Variants in GABRA4 observed in about 807,000 individuals in gnomAD.
GABRA4 encodes the protein gamma-aminobutyric acid type A receptor subunit alpha4.
In GABRA4, 12 loss-of-function variants were observed where a neutral mutation model predicts 49.7. The ratio of observed to expected loss-of-function variants is 0.24; its 90% CI spans 0.15 to 0.39. GABRA4 has a LOEUF of 0.39. Among genes scored for constraint, GABRA4 ranks in the 10% least tolerant of loss-of-function variants. The pLI, the probability that GABRA4 is intolerant of heterozygous loss-of-function variation, is 1.00. For missense variants in GABRA4, 506 were observed against 686.0 expected (o/e 0.74, Z 2.93); for synonymous variants, 288 against 240.2 (o/e 1.20, Z -1.84).
At chr4:46,929,834 T>C (rs191624586) in intron 8 of GABRA4, among the ~76,000 whole-genome samples, 19 of 151,602 alleles carry the variant, frequency 1.3e-4, no homozygotes, top group African/African-American at 3.6e-4. Flanking sequence ...AGATGGTGAG[T>C]GAAAAAATGG....
chr4:46,952,687 TACTC>T (rs1224396758), intron 8 of GABRA4, among the ~76,000 whole-genome samples: 1 of 152,116 alleles, frequency 6.6e-6, no homozygotes, highest in Non-Finnish European at 1.5e-5. Context: ...TGAATAATCT[TACTC>T]AGTAGCTTAG....
chr4:46,936,019 GA>G (rs1441684524), intron 8 of GABRA4, among the ~76,000 whole-genome samples: 1 of 152,066 alleles, frequency 6.6e-6, no homozygotes, highest in Non-Finnish European at 1.5e-5. Context: ...AGCTCTTCAG[GA>G]AAAAGTAGCA....
intron 2 of GABRA4, among the ~76,000 whole-genome samples, chr4:46,991,894 A>G (rs1723759263): frequency 6.6e-6 from 1 of 152,212 alleles, no homozygotes; most frequent in African/African-American, 2.4e-5. Context: ...AGCTCCTTTA[A>G]GGCAGAATCT....
chr4:46,956,927 T>A (rs1275064566), intron 8 of GABRA4, among the ~76,000 whole-genome samples: 1 of 152,068 alleles, frequency 6.6e-6, no homozygotes, highest in Non-Finnish European at 1.5e-5. Context: ...TTCATTTTAT[T>A]AATGAGCTTG....
chr4:46,919,933 A>G lies in GABRA4; in HGVS notation c.*8292T>C, dbSNP rs1334883096. The G allele has an allele frequency of 6.6e-6, 1 of 151,694 alleles. No homozygotes were observed. Among genetic ancestry groups the G allele is most frequent in the Admixed American group, 6.6e-5 (1 of 15,208 alleles). 9.4% of individuals were successfully genotyped at this position (151,694 alleles called of 1,614,324 possible). A position where few individuals can be genotyped will look rare whatever the true frequency, so the allele number is the denominator to read the frequency against. Reference sequence around the variant, plus strand: ...TACAATGAAGCTCCCTCAAAATCATATAACCTTACCTTATCAACCAACAAT... The same window carrying G: ...TACAATGAAGCTCCCTCAAAATCATGTAACCTTACCTTATCAACCAACAAT... On this transcript the variant is annotated 3_prime_UTR_variant, in exon 9 of 9. Transcript: ENST00000264318.
At chr4:46,956,454 C>A (rs1484775217) in intron 8 of GABRA4, among the ~76,000 whole-genome samples, 48 of 151,986 alleles carry the variant, frequency 3.2e-4, no homozygotes, top group Non-Finnish European at 1.8e-4. Flanking sequence ...AGTTTATATA[C>A]CCTTTAGGAA....
intron 8 of GABRA4, among the ~76,000 whole-genome samples, chr4:46,934,961 G>A (rs1721558669): frequency 6.6e-6 from 1 of 152,166 alleles, no homozygotes; most frequent in African/African-American, 2.4e-5. Context: ...AGAGAAAAGA[G>A]TGCAAAGGAC....
At chr4:46,988,412 A>G (rs1723617596) in intron 2 of GABRA4, among the ~76,000 whole-genome samples, 1 of 152,242 alleles carries the variant, frequency 6.6e-6, no homozygotes, top group South Asian at 2.1e-4. Flanking sequence ...GAATGAAAGA[A>G]TGGGACAAAT....
At chr4:46,987,765 TC>T (rs1723592561) in intron 2 of GABRA4, among the ~76,000 whole-genome samples, 1 of 152,122 alleles carries the variant, frequency 6.6e-6, no homozygotes, top group South Asian at 2.1e-4. Flanking sequence ...TTCATTGGTC[TC>T]CCTGCTTCCA....
intron 8 of GABRA4, among the ~76,000 whole-genome samples, chr4:46,955,001 G>A (rs1312802682): frequency 6.6e-6 from 1 of 152,100 alleles, no homozygotes; most frequent in African/African-American, 2.4e-5. Flanking sequence ...GATAATTCAT[G>A]TAAAGCAACT....
chr4:46,964,643 T>C (rs1722689296), intron 8 of GABRA4, among the ~76,000 whole-genome samples: 1 of 151,762 alleles, frequency 6.6e-6, no homozygotes, highest in Admixed American at 6.6e-5. Context: ...AAAATGTTTT[T>C]TCAACTCACT....
chr4:46,974,982 A>T (rs1723088899), intron 5 of GABRA4, among the ~76,000 whole-genome samples: 1 of 151,972 alleles, frequency 6.6e-6, no homozygotes, highest in East Asian at 2.0e-4. Flanking sequence ...TACACAACCA[A>T]TTCCACTACC....
At chr4:46,932,412 G>A (rs1411207799) in intron 8 of GABRA4, among the ~76,000 whole-genome samples, 2 of 152,096 alleles carry the variant, frequency 1.3e-5, no homozygotes, top group Non-Finnish European at 2.9e-5. Flanking sequence ...AAATGTGGAG[G>A]AGGCTTTAAA....
In GABRA4 at chr4:46,925,940, A is replaced by G. The variant is rs894648519; in HGVS notation, c.*2285T>C. ...ATATGTAAAGGTAAGAAAAAAAATCATTTCTTTTTATCTCTTTACACTCTG... is the reference window on the plus strand; with the variant it reads ...ATATGTAAAGGTAAGAAAAAAAATCGTTTCTTTTTATCTCTTTACACTCTG... On this transcript the variant is annotated 3_prime_UTR_variant, in exon 9 of 9. Coordinates refer to ENST00000264318, the MANE Select transcript of GABRA4 (RefSeq NM_000809.4). The G allele has an allele frequency of 6.6e-6, 1 of 151,602 alleles. No homozygotes were observed. Among genetic ancestry groups the G allele is most frequent in the African/African-American group, 2.4e-5 (1 of 41,350 alleles). 9.4% of individuals were successfully genotyped at this position (151,602 alleles called of 1,614,324 possible).
intron 8 of GABRA4, among the ~76,000 whole-genome samples, chr4:46,935,042 G>A (rs927094650): frequency 2.0e-5 from 3 of 152,180 alleles, no homozygotes; most frequent in Admixed American, 1.3e-4. Flanking sequence ...TAGAAAAGCA[G>A]TATTGTGGTC....
At chr4:46,967,552 T>C (rs1407196119) in intron 7 of GABRA4, among the ~76,000 whole-genome samples, 2 of 151,518 alleles carry the variant, frequency 1.3e-5, no homozygotes, top group Non-Finnish European at 3.0e-5. Context: ...AGTTAAGTGG[T>C]GATGTGGATT....
At chr4:46,979,222 T>A in intron 2 of GABRA4, 124 bp from the exon 3 acceptor site, 1 of 625,048 alleles carries the variant, frequency 1.6e-6, no homozygotes, top group Non-Finnish European at 2.8e-6. Flanking sequence ...TCTTACATTT[T>A]CAGTGAGATA....
intron 8 of GABRA4, among the ~76,000 whole-genome samples, chr4:46,940,918 A>C (rs1335965855): frequency 2.6e-5 from 4 of 152,156 alleles, no homozygotes; most frequent in East Asian, 1.9e-4. Flanking sequence ...AACTTTTTTT[A>C]ACTTTCTCTG....
chr4:46,940,117 C>T (rs965021436), intron 8 of GABRA4, among the ~76,000 whole-genome samples: 1 of 152,038 alleles, frequency 6.6e-6, no homozygotes, highest in African/African-American at 2.4e-5. Context: ...TCTGCATCTT[C>T]TATGTGATAA....
Sources: gnomAD v4.1 joint callset for allele counts (sites outside exome capture counted in the v4.1 genomes callset) on GRCh38, gnomAD v4.1.1 for gene constraint, MANE v1.5 for transcripts, NCBI Gene and HGNC (gene_info 2026-07-23, HGNC 2026-07-21) for gene names.